The following CNTNAP2 variants were observed in gnomAD, a reference collection of about 807,000 sequenced individuals.
CNTNAP2 encodes the protein contactin-associated protein-like 2.
Under a neutral mutation model 155.2 loss-of-function variants are expected in CNTNAP2, and 98 were observed. The ratio of observed to expected loss-of-function variants is 0.63; its 90% CI spans 0.54 to 0.75. The LOEUF is 0.75. Ranked by LOEUF, CNTNAP2 falls within the 30% of genes least tolerant of loss-of-function variation. CNTNAP2 has a pLI of 0.00. For synonymous variants in CNTNAP2, 651 were observed against 631.2 expected, an observed-to-expected ratio of 1.03 and a Z score of -0.47; for missense variants, 1,727 against 1,688.1, an observed-to-expected ratio of 1.02 and a Z score of -0.40.
At chr7:147,265,517 T>C (rs537527545) in intron 8 of CNTNAP2, among the ~76,000 whole-genome samples, 17 of 152,310 alleles carry the variant, frequency 1.1e-4, no homozygotes, top group Non-Finnish European at 5.9e-5. Flanking sequence ...TTCCTGGGCC[T>C]GAGCCCCTAG....
intron 13 of CNTNAP2, among the ~76,000 whole-genome samples, chr7:147,835,049 T>TA (rs1295552622): frequency 5.3e-5 from 8 of 151,720 alleles, no homozygotes; most frequent in Admixed American, 2.6e-4. Context: ...CCAATAAGGA[T>TA]AAAAAAAAGA....
chr7:147,763,857 G>A (rs1331831448), intron 13 of CNTNAP2, among the ~76,000 whole-genome samples: 1 of 152,192 alleles, frequency 6.6e-6, no homozygotes, highest in African/African-American at 2.4e-5. Context: ...TCAAAACAGA[G>A]TTCAGAGGAT....
chr7:147,667,811 TAA>T (rs569635867), intron 13 of CNTNAP2, among the ~76,000 whole-genome samples: 1 of 138,238 alleles, frequency 7.2e-6, no homozygotes, highest in African/African-American at 2.7e-5. Flanking sequence ...AAAAAAATAA[TAA>T]AAAAAATAAA....
chr7:147,284,205 A>G (rs1016753309), intron 8 of CNTNAP2, among the ~76,000 whole-genome samples: 1 of 151,614 alleles, frequency 6.6e-6, no homozygotes, highest in East Asian at 1.9e-4. Context: ...TGGTCTTTCT[A>G]TTCCTCTCTA....
At chr7:147,240,030 G>C (rs1803902492) in intron 8 of CNTNAP2, among the ~76,000 whole-genome samples, 1 of 152,070 alleles carries the variant, frequency 6.6e-6, no homozygotes, top group Admixed American at 6.5e-5. Context: ...TTTCATCTTT[G>C]CCACTTCCTA....
chr7:146,274,207 T>C (rs1800128900), intron 1 of CNTNAP2, among the ~76,000 whole-genome samples: 1 of 152,150 alleles, frequency 6.6e-6, no homozygotes, highest in Admixed American at 6.5e-5. Flanking sequence ...TTATTCCAAG[T>C]CAAGCACAAT....
intron 1 of CNTNAP2, among the ~76,000 whole-genome samples, chr7:146,666,414 G>T (rs924109069): frequency 6.6e-6 from 1 of 152,126 alleles, no homozygotes; most frequent in Non-Finnish European, 1.5e-5. Context: ...GGACGCCTAA[G>T]TTGATTCCGT....
intron 17 of CNTNAP2, among the ~76,000 whole-genome samples, chr7:148,167,885 C>T (rs1435321177): frequency 6.6e-6 from 1 of 152,136 alleles, no homozygotes; most frequent in African/African-American, 2.4e-5. Flanking sequence ...AACTCCGCCC[C>T]ACTAAATCCT....
intron 1 of CNTNAP2, among the ~76,000 whole-genome samples, chr7:146,737,745 C>T (rs1190642548): frequency 6.6e-6 from 1 of 151,642 alleles, no homozygotes; most frequent in Non-Finnish European, 1.5e-5. Context: ...TGTCTTTTGT[C>T]TTTCTGTGCC....
intron 8 of CNTNAP2, among the ~76,000 whole-genome samples, chr7:147,162,881 T>C (rs1802053199): frequency 6.6e-6 from 1 of 152,234 alleles, no homozygotes; most frequent in Non-Finnish European, 1.5e-5. Flanking sequence ...CTTCTAGCAA[T>C]GGAGCTTTGC....
intron 1 of CNTNAP2, among the ~76,000 whole-genome samples, chr7:146,626,432 C>T (rs1404400687): frequency 6.6e-6 from 1 of 151,922 alleles, no homozygotes; most frequent in African/African-American, 2.4e-5. Flanking sequence ...TGAGTGGAGC[C>T]CAGCATGCTT....
chr7:146,971,167 C>G (rs1040492173), intron 3 of CNTNAP2, among the ~76,000 whole-genome samples: 2 of 151,654 alleles, frequency 1.3e-5, no homozygotes, highest in African/African-American at 4.8e-5. Context: ...TGTAACTAAC[C>G]TGCACATTGG....
chr7:146,625,809 C>T lies in CNTNAP2; in HGVS notation c.98-148462C>T, dbSNP rs569480912. ...AATTCAGCGATGAGCTATCAGCTAC[C>T]GGTAATGAATTCTCCTACAAAGGAA... is the stretch of plus-strand genomic sequence containing the variant. On this transcript the variant is annotated intron_variant, in intron 1 of 23. Transcript: ENST00000361727. Among the ~76,000 whole-genome samples, 40 of 152,022 alleles carry T rather than the reference C, an allele frequency of 2.6e-4. No homozygotes were observed. In the South Asian group the frequency reaches 5.8e-3, roughly 22 times the overall value.
chr7:147,903,617 C>G lies in CNTNAP2; in HGVS notation c.2151C>G (p.Tyr717Ter). 1.2e-6 allele frequency: 2 copies of G among 1,614,202 alleles called. No individual in the cohort carries two copies. The highest frequency in any genetic ancestry group is 1.7e-6 in the Non-Finnish European group (2 of 1,180,026). The change falls in exon 14 of 24, where the codon TAC (tyrosine) becomes TAG (stop). Residue 717 changes from tyrosine to a stop codon, truncating the protein, a stop_gained. Transcript: ENST00000361727. LOFTEE classifies it high-confidence loss of function. Reference sequence around the variant, plus strand: ...GCAAAGCCAACGAGAAGCACTACTACTGGGGAGGCTCTGGGCCTGGAATCC... The same window carrying G: ...GCAAAGCCAACGAGAAGCACTACTAGTGGGGAGGCTCTGGGCCTGGAATCC... ...WVGKANEKHY[Y>*]WGGSGPGIQK...
intron 2 of CNTNAP2, among the ~76,000 whole-genome samples, chr7:146,802,365 A>G (rs142394594): frequency 1.3e-5 from 2 of 152,158 alleles, no homozygotes; most frequent in African/African-American, 4.8e-5. Flanking sequence ...AGTCTTTCTG[A>G]TTTCTGCTTT....
chr7:148,207,412 A>G (rs565094694), intron 18 of CNTNAP2, among the ~76,000 whole-genome samples: 2 of 152,314 alleles, frequency 1.3e-5, no homozygotes, highest in South Asian at 4.1e-4. Flanking sequence ...GATGAAGGGG[A>G]CCAAGAGCGT....
At chr7:146,213,259 A>C (rs1258111732) in intron 1 of CNTNAP2, among the ~76,000 whole-genome samples, 1 of 152,152 alleles carries the variant, frequency 6.6e-6, no homozygotes, top group Non-Finnish European at 1.5e-5. Context: ...CTTTCTTTAT[A>C]TTTTTAAATT....
At chr7:147,623,128 C>T (rs1158152553) in intron 12 of CNTNAP2, among the ~76,000 whole-genome samples, 2 of 151,934 alleles carry the variant, frequency 1.3e-5, no homozygotes, top group Non-Finnish European at 2.9e-5. Context: ...AATAAGAACT[C>T]TGTCAATAAG....
chr7:147,714,064 C>T (rs375220811), intron 13 of CNTNAP2, among the ~76,000 whole-genome samples: 27 of 152,140 alleles, frequency 1.8e-4, no homozygotes, highest in African/African-American at 2.6e-4. Context: ...GTATGCCAAG[C>T]GCTGTAGTAA....
Sources: allele counts gnomAD v4.1 joint callset (sites outside exome capture counted in the v4.1 genomes callset), GRCh38; gene constraint gnomAD v4.1.1; transcripts MANE v1.5; gene names NCBI Gene and HGNC (gene_info 2026-07-23, HGNC 2026-07-21).